SLC7A7: variants seen among roughly 807,000 people sequenced by gnomAD.
SLC7A7 encodes Y+L amino acid transporter 1.
SLC7A7 carries 39 observed loss-of-function variants against 47.9 expected under a neutral mutation model. The ratio of observed to expected loss-of-function variants is 0.81; its 90% CI spans 0.63 to 1.06. The LOEUF (loss-of-function observed/expected upper bound fraction) is 1.06, where lower values mean the gene tolerates loss of function less well. Ranked by LOEUF, SLC7A7 falls within the 50% of genes least tolerant of loss-of-function variation. The probability of loss-of-function intolerance (pLI) is 0.00; values close to 1 mark genes in which losing one functional copy is unlikely to be tolerated. For synonymous variants in SLC7A7, 234 were observed against 242.8 expected (o/e 0.96, Z 0.34); for missense variants, 588 against 632.0 (o/e 0.93, Z 0.75).
In SLC7A7 at chr14:22,785,847, C is replaced by T. The variant is rs1338481587; in HGVS notation, c.500-5796G>A. On this transcript the variant is annotated intron_variant, in intron 2 of 9. Transcript: ENST00000674313. ...ACCATCCTGGCTAACACGGTGAAACCCCATCTCTACTAAAAATACAAAAAA... is the reference window on the plus strand; with the variant it reads ...ACCATCCTGGCTAACACGGTGAAACTCCATCTCTACTAAAAATACAAAAAA... 2.0e-5 allele frequency among the ~76,000 whole-genome samples: 3 copies of T among 151,640 alleles called. No homozygotes were observed. The East Asian group carries it at 5.8e-4, about 29-fold the overall frequency.
intron 7 of SLC7A7, among the ~76,000 whole-genome samples, chr14:22,775,155 T>C (rs534272097): frequency 6.6e-6 from 1 of 152,282 alleles, no homozygotes; most frequent in Non-Finnish European, 1.5e-5. Flanking sequence ...TGATCGTTTC[T>C]TCTCTTAAAC....
In SLC7A7 at chr14:22,812,977, T is replaced by C. The variant is rs553743160; in HGVS notation, c.422A>G (p.Asn141Ser). 22 of 1,613,896 alleles carry C rather than the reference T, an allele frequency of 1.4e-5. No homozygotes were observed. In the East Asian group the frequency reaches 3.8e-4, roughly 28 times the overall value. ...SQAIIAITFA[N>S]YMVQPLFPSC... ...CGGGAAGAGAGGCTGTACCATGTAG[T>C]TGGCAAAGGTGATGGCAATGATGGC... The change falls in exon 2 of 10, where the codon AAC (asparagine) becomes AGC (serine). Residue 141 changes from asparagine to serine, a missense_variant. Asn to Ser is a conservative substitution (Grantham distance 46). Coordinates refer to ENST00000674313, the MANE Select transcript of SLC7A7 (RefSeq NM_003982.4).
At position 22,773,627 on chromosome 14, in the gene SLC7A7, C is replaced by G. The variant is rs771606540; in HGVS notation, c.1519G>C (p.Asp507His). ...GATGGTGTTTAGTTAGATTTGGGAT[C>G]CCGTTGCTTGGGCATCTCTCCTCCA... is the stretch of plus-strand genomic sequence containing the variant. ...EDGGEMPKQR[D>H]PKSN is the part of the protein sequence containing the mutation. The change falls in exon 10 of 10, where the codon GAT becomes CAT. Residue 507 changes from aspartate to histidine, a missense_variant. Asp to His is a moderately conservative substitution (Grantham distance 81). Transcript: ENST00000674313. 3 of 1,614,054 alleles carry G rather than the reference C, an allele frequency of 1.9e-6. No homozygotes were observed. In the Admixed American group the frequency reaches 5.0e-5, roughly 27 times the overall value.
At chr14:22,815,452 C>A (rs934039129), upstream of SLC7A7, 1 of 454,416 alleles carries the variant, frequency 2.2e-6, no homozygotes, top group African/African-American at 2.0e-5. Context: ...AGACAAATGC[C>A]TATGGATTTA....
chr14:22,774,215 T>A, intron 8 of SLC7A7, 99 bp from the exon 9 acceptor site: 1 of 1,587,970 alleles, frequency 6.3e-7, no homozygotes, highest in Non-Finnish European at 8.6e-7. Flanking sequence ...GAGCCTTCTT[T>A]CCATACCTTT....
At chr14:22,784,512 G>T (rs1271528560) in intron 2 of SLC7A7, among the ~76,000 whole-genome samples, 2 of 152,040 alleles carry the variant, frequency 1.3e-5, no homozygotes, top group African/African-American at 4.8e-5. Flanking sequence ...CATCTACTTG[G>T]GAGGCTGAGG....
At chr14:22,793,795 G>A (rs1236672499) in intron 2 of SLC7A7, among the ~76,000 whole-genome samples, 1 of 151,836 alleles carries the variant, frequency 6.6e-6, no homozygotes. Flanking sequence ...CAGCCTGGGT[G>A]ACAGAGCAAG....
intron 7 of SLC7A7, 56 bp downstream of exon 7, chr14:22,775,387 TG>T: frequency 7.6e-7 from 1 of 1,322,182 alleles, no homozygotes; most frequent in South Asian, 1.2e-5. Context: ...TCGCTTCTGC[TG>T]TTACTAAAGT....
intron 2 of SLC7A7, among the ~76,000 whole-genome samples, chr14:22,810,307 A>C (rs1471126000): frequency 6.6e-6 from 1 of 151,194 alleles, no homozygotes; most frequent in African/African-American, 2.4e-5. Context: ...TCTACTAAAA[A>C]TACAAAATTA....
chr14:22,778,017 A>G (rs973974329), intron 4 of SLC7A7, among the ~76,000 whole-genome samples: 3 of 152,226 alleles, frequency 2.0e-5, no homozygotes, highest in South Asian at 4.1e-4. Context: ...AGAGGTTGCA[A>G]TGAGCCAAGA....
upstream of SLC7A7, among the ~76,000 whole-genome samples, chr14:22,818,742 C>T (rs1048194179): frequency 1.3e-5 from 2 of 151,742 alleles, no homozygotes; most frequent in African/African-American, 2.4e-5. Context: ...TACAGGTGCC[C>T]GCCACCGCGC....
chr14:22,787,104 C>A (rs1039558867), intron 2 of SLC7A7, among the ~76,000 whole-genome samples: 4 of 152,032 alleles, frequency 2.6e-5, no homozygotes, highest in East Asian at 1.9e-4. Context: ...CAAATTTGAT[C>A]AGCATACCTC....
chr14:22,779,777 G>A (rs2038682954), intron 3 of SLC7A7, 149 bp downstream of exon 3: 4 of 808,388 alleles, frequency 4.9e-6, no homozygotes, highest in Non-Finnish European at 7.9e-6. Context: ...TCTGCAGGCT[G>A]TTTCCTCATC....
At chr14:22,785,557 G>A (rs144663478) in intron 2 of SLC7A7, among the ~76,000 whole-genome samples, 2 of 151,504 alleles carry the variant, frequency 1.3e-5, no homozygotes, top group East Asian at 2.0e-4. Flanking sequence ...GAGAAACTCC[G>A]TCTCTACTAA....
intron 4 of SLC7A7, among the ~76,000 whole-genome samples, chr14:22,777,141 C>CT (rs1460068043): frequency 1.3e-4 from 8 of 60,106 alleles, no homozygotes; most frequent in South Asian, 7.1e-4. Context: ...CAGACCCTGT[C>CT]TAAAAAAAAA....
chr14:22,796,261 A>G (rs952583755), intron 2 of SLC7A7, among the ~76,000 whole-genome samples: 2 of 152,146 alleles, frequency 1.3e-5, no homozygotes, highest in Admixed American at 1.3e-4. Flanking sequence ...TCATTCTGGT[A>G]CCAGGAGAAG....
chr14:22,810,186 C>T (rs1594981867), intron 2 of SLC7A7, among the ~76,000 whole-genome samples: 1 of 151,740 alleles, frequency 6.6e-6, no homozygotes, highest in Non-Finnish European at 1.5e-5. Context: ...AATTCTAAGG[C>T]CGGGAAGGTG....
rs180885356 is a variant in SLC7A7 at position 22,773,888 on chromosome 14, C to G, written c.1429+45G>C. ...CTGGATTTACAGAAAAAGGCAAAAA[C>G]CAAGCTCTGCAATAGCTGAGCGGAC... On this transcript the variant is annotated intron_variant, in intron 9 of 9. Transcript: ENST00000674313. The G allele has an allele frequency of 3.7e-6, 6 of 1,611,494 alleles. No homozygotes were observed. The East Asian group carries it at 1.3e-4, about 36-fold the overall frequency.
intron 2 of SLC7A7, among the ~76,000 whole-genome samples, chr14:22,789,857 G>A (rs2038893882): frequency 2.0e-5 from 3 of 152,094 alleles, no homozygotes; most frequent in South Asian, 2.1e-4. Context: ...GACTCTAGAA[G>A]CTGGGAAAGG....
Sources: allele counts gnomAD v4.1 joint callset (sites outside exome capture counted in the v4.1 genomes callset), GRCh38; gene constraint gnomAD v4.1.1; transcripts MANE v1.5; gene names NCBI Gene and HGNC (gene_info 2026-07-23, HGNC 2026-07-21).